Variants in GAS7 observed in about 807,000 individuals in gnomAD.
GAS7 encodes growth arrest-specific protein 7.
In GAS7, 28 loss-of-function variants were observed where a neutral mutation model predicts 71.1. The ratio of observed to expected loss-of-function variants is 0.39; its 90% CI spans 0.29 to 0.54. The LOEUF (loss-of-function observed/expected upper bound fraction) is 0.54. GAS7 is among the 20% of genes least tolerant of loss of function. The pLI is 0.62. For missense variants in GAS7, 436 were observed against 627.8 expected (o/e 0.69, Z 3.27); for synonymous variants, 258 against 245.8 (o/e 1.05, Z -0.46).
At chr17:9,946,836 G>A in intron 6 of GAS7, 58 bp downstream of exon 6, 1 of 1,074,218 alleles carries the variant, frequency 9.3e-7, no homozygotes, top group Non-Finnish European at 1.4e-6. Flanking sequence ...TACCCATCCT[G>A]GGTGTCCACT....
chr17:9,914,138 G>C lies in GAS7; in HGVS notation c.*3090C>G, dbSNP rs1265252567. ...CCTGTTCATACGGATAGGGGTTCTG[G>C]ACTGTTGACTCTAGCCCTGGTCTTA... On this transcript the variant is annotated 3_prime_UTR_variant, in exon 14 of 14. Coordinates refer to ENST00000432992, the MANE Select transcript of GAS7 (RefSeq NM_201433.2). The C allele has an allele frequency of 8.9e-6, 2 of 225,884 alleles. No homozygotes were observed. Among genetic ancestry groups the C allele is most frequent in the Non-Finnish European group, 1.8e-5 (2 of 113,496 alleles). 14.0% of individuals were successfully genotyped at this position (225,884 alleles called of 1,614,324 possible).
intron 1 of GAS7, among the ~76,000 whole-genome samples, chr17:10,127,790 G>A (rs973936425): frequency 6.6e-6 from 1 of 152,136 alleles, no homozygotes; most frequent in African/African-American, 2.4e-5. Flanking sequence ...GACTAGGAGA[G>A]GAATCTCTGA....
At chr17:10,005,233 ATG>A (rs2071468059) in intron 2 of GAS7, among the ~76,000 whole-genome samples, 1 of 107,972 alleles carries the variant, frequency 9.3e-6, no homozygotes, top group Admixed American at 7.8e-5. Flanking sequence ...ATGTATGTGT[ATG>A]TGCGCGCATG....
chr17:10,069,118 C>A (rs1210638231), intron 1 of GAS7, among the ~76,000 whole-genome samples: 1 of 152,232 alleles, frequency 6.6e-6, no homozygotes, highest in Non-Finnish European at 1.5e-5. Flanking sequence ...GCCACCCTTA[C>A]TATTCAGGGA....
chr17:10,128,776 C>T (rs537819088), intron 1 of GAS7, among the ~76,000 whole-genome samples: 7 of 152,072 alleles, frequency 4.6e-5, no homozygotes, highest in South Asian at 4.2e-4. Flanking sequence ...CCCACCACCG[C>T]GCCCAGCTAA....
rs150302145 is a variant in GAS7 at position 10,064,779 on chromosome 17, C to G, written c.184-44882G>C. ...GTTTGTTTAAGCCACTTGATCAAAC[C>G]ATGCCTGAAGCTGAACTTCCTGGGA... On this transcript the variant is annotated intron_variant, in intron 1 of 13. Transcript: ENST00000432992. 1.8e-3 allele frequency among the ~76,000 whole-genome samples: 272 copies of G among 152,282 alleles called. 2 individuals carry two copies. The highest frequency in any genetic ancestry group is 5.9e-3 in the African/African-American group (247 of 41,554).
chr17:10,167,126 C>T (rs1385241645), intron 1 of GAS7, among the ~76,000 whole-genome samples: 3 of 125,562 alleles, frequency 2.4e-5, no homozygotes, highest in Admixed American at 1.0e-4. Flanking sequence ...GGTGTGATCT[C>T]GGCTCACCGC....
At chr17:9,941,199 T>G (rs2068589595) in intron 7 of GAS7, among the ~76,000 whole-genome samples, 1 of 152,166 alleles carries the variant, frequency 6.6e-6, no homozygotes, top group South Asian at 2.1e-4. Flanking sequence ...TGCTTTCCCC[T>G]CACCTCCACC....
chr17:10,005,150 CATGCATGTGTGT>C (rs1247539131), intron 2 of GAS7, among the ~76,000 whole-genome samples: 4 of 73,262 alleles, frequency 5.5e-5, no homozygotes, highest in Non-Finnish European at 1.6e-4. Flanking sequence ...CGCACGCATG[CATGCATGTGTGT>C]GCGCACGCAT....
chr17:10,173,639 G>A (rs535226359), intron 1 of GAS7, among the ~76,000 whole-genome samples: 5 of 152,212 alleles, frequency 3.3e-5, no homozygotes, highest in South Asian at 2.1e-4. Flanking sequence ...GTGGCAGCGG[G>A]TGCCAGTAGT....
chr17:10,158,809 C>T (rs1052456784), intron 1 of GAS7, among the ~76,000 whole-genome samples: 2 of 151,676 alleles, frequency 1.3e-5, no homozygotes, highest in African/African-American at 4.8e-5. Context: ...AATCTCAGCA[C>T]CTTGGGAGGC....
intron 1 of GAS7, among the ~76,000 whole-genome samples, chr17:10,065,531 C>T (rs1280889464): frequency 1.3e-5 from 2 of 152,170 alleles, no homozygotes; most frequent in Non-Finnish European, 2.9e-5. Flanking sequence ...ATCCTACTTC[C>T]CCAATCATAC....
chr17:10,101,976 T>C (rs974630751), intron 1 of GAS7, among the ~76,000 whole-genome samples: 1 of 152,076 alleles, frequency 6.6e-6, no homozygotes, highest in Admixed American at 6.5e-5. Flanking sequence ...GGCAGAACCA[T>C]CTAAGCAACT....
rs2068812070 is a variant in GAS7 at position 9,946,995 on chromosome 17, A to G, written c.526-12T>C. ...GTCACACAGTTTATCTGTAGGGCACAGAACAAGAAAGAATGACCCCGCTGG... is the reference window on the plus strand; with the variant it reads ...GTCACACAGTTTATCTGTAGGGCACGGAACAAGAAAGAATGACCCCGCTGG... On this transcript the variant is annotated splice_polypyrimidine_tract_variant and intron_variant, in intron 5 of 13. Transcript: ENST00000432992. The G allele has an allele frequency of 6.3e-7, 1 of 1,582,064 alleles. No homozygotes were observed. Among genetic ancestry groups the G allele is most frequent in the Non-Finnish European group, 8.7e-7 (1 of 1,151,162 alleles).
chr17:10,192,723 C>T (rs1265380961), intron 1 of GAS7, among the ~76,000 whole-genome samples: 1 of 152,172 alleles, frequency 6.6e-6, no homozygotes, highest in African/African-American at 2.4e-5. Flanking sequence ...CTGACCAGTC[C>T]AGCACACAAG....
intron 1 of GAS7, among the ~76,000 whole-genome samples, chr17:10,192,154 T>C (rs2074507422): frequency 1.3e-5 from 2 of 152,198 alleles, no homozygotes; most frequent in African/African-American, 2.4e-5. Context: ...CATGTTCTGG[T>C]CAGCCAAGGA....
intron 1 of GAS7, among the ~76,000 whole-genome samples, chr17:10,158,748 A>T (rs1016269438): frequency 6.6e-6 from 1 of 151,916 alleles, no homozygotes; most frequent in Non-Finnish European, 1.5e-5. Context: ...AAATTCTGAA[A>T]AATTGCTAAT....
chr17:9,937,805 C>G (rs2068454892), intron 8 of GAS7, among the ~76,000 whole-genome samples: 1 of 152,222 alleles, frequency 6.6e-6, no homozygotes, highest in Non-Finnish European at 1.5e-5. Context: ...GTTCACTCCC[C>G]CTTGGAGAAG....
At chr17:9,952,968 C>T (rs2069080442) in intron 5 of GAS7, among the ~76,000 whole-genome samples, 1 of 152,090 alleles carries the variant, frequency 6.6e-6, no homozygotes, top group South Asian at 2.1e-4. Context: ...ACAGAACTAT[C>T]ATTCGACCCA....
Sources: allele counts gnomAD v4.1 joint callset (sites outside exome capture counted in the v4.1 genomes callset), GRCh38; gene constraint gnomAD v4.1.1; transcripts MANE v1.5; gene names NCBI Gene and HGNC (gene_info 2026-07-23, HGNC 2026-07-21).